The following CTNNA3 variants were observed in gnomAD, a reference collection of about 807,000 sequenced individuals.
The protein encoded by CTNNA3 is catenin alpha 3.
A neutral mutation model predicts 95.7 loss-of-function variants in CTNNA3; 76 were observed. The ratio of observed to expected loss-of-function variants is 0.79; its 90% CI spans 0.66 to 0.96. The LOEUF is 0.96. Ranked by LOEUF, CTNNA3 falls within the 40% of genes least tolerant of loss-of-function variation. The pLI, the probability that CTNNA3 is intolerant of heterozygous loss-of-function variation, is 0.00. For missense variants in CTNNA3, 1,191 were observed against 1,089.8 expected (o/e 1.09, Z -1.31); for synonymous variants, 431 against 374.4 (o/e 1.15, Z -1.74).
At chr10:66,809,654 C>T (rs1841796480) in intron 7 of CTNNA3, among the ~76,000 whole-genome samples, 1 of 152,168 alleles carries the variant, frequency 6.6e-6, no homozygotes, top group African/African-American at 2.4e-5. Flanking sequence ...TGATAGAAAG[C>T]ATCCTTGATT....
intron 5 of CTNNA3, among the ~76,000 whole-genome samples, chr10:67,467,465 C>CT (rs112272043): frequency 0.017 from 2,600 of 148,886 alleles, 77 homozygotes; most frequent in African/African-American, 0.058. Flanking sequence ...TCAAATATTG[C>CT]TTTTTTTAAA....
intron 6 of CTNNA3, among the ~76,000 whole-genome samples, chr10:67,197,089 T>C (rs751334921): frequency 1.3e-5 from 2 of 152,244 alleles, no homozygotes; most frequent in East Asian, 1.9e-4. Flanking sequence ...TTTTTAAGTA[T>C]ATTAAATCTT....
intron 3 of CTNNA3, among the ~76,000 whole-genome samples, 190 bp from the exon 4 acceptor site, chr10:67,539,859 G>A (rs1840615453): frequency 6.6e-6 from 1 of 151,892 alleles, no homozygotes; most frequent in Non-Finnish European, 1.5e-5. Flanking sequence ...AAATATTTTG[G>A]AATTAAGAAG....
intron 7 of CTNNA3, among the ~76,000 whole-genome samples, chr10:66,877,822 A>AT (rs2132458356): frequency 6.6e-6 from 1 of 152,220 alleles, no homozygotes; most frequent in South Asian, 2.1e-4. Context: ...AATGGATTCT[A>AT]TTTTTGTACC....
chr10:67,749,643 T>G (rs1841393936), intron 1 of CTNNA3, among the ~76,000 whole-genome samples: 2 of 152,308 alleles, frequency 1.3e-5, no homozygotes, highest in East Asian at 3.9e-4. Flanking sequence ...TACCAGAATT[T>G]CTGGGATGCA....
chr10:67,339,880 TATG>T (rs1842119102), intron 5 of CTNNA3, among the ~76,000 whole-genome samples: 1 of 152,192 alleles, frequency 6.6e-6, no homozygotes, highest in African/African-American at 2.4e-5. Flanking sequence ...TCAGTTGGAA[TATG>T]ATGTTTATTC....
chr10:67,048,664 C>T (rs938923482), intron 7 of CTNNA3, among the ~76,000 whole-genome samples: 6 of 152,046 alleles, frequency 3.9e-5, no homozygotes, highest in Admixed American at 2.0e-4. Flanking sequence ...AACCCTATGA[C>T]GCACTACATA....
intron 6 of CTNNA3, among the ~76,000 whole-genome samples, chr10:67,188,070 C>CG (rs1862943437): frequency 6.6e-6 from 1 of 152,188 alleles, no homozygotes; most frequent in Non-Finnish European, 1.5e-5. Flanking sequence ...GAACTTAACA[C>CG]TATTAACCAA....
chr10:66,472,777 G>T (rs1299236926), intron 11 of CTNNA3, among the ~76,000 whole-genome samples: 1 of 151,988 alleles, frequency 6.6e-6, no homozygotes, highest in Admixed American at 6.6e-5. Context: ...GCTGGTAGTA[G>T]GTTAGTAAGT....
chr10:67,145,952 T>G (rs1422868763), intron 7 of CTNNA3, among the ~76,000 whole-genome samples: 1 of 152,184 alleles, frequency 6.6e-6, no homozygotes. Flanking sequence ...AGAGAAGGTT[T>G]GCTAGGAGAA....
At chr10:66,685,176 C>T (rs865869320) in intron 9 of CTNNA3, among the ~76,000 whole-genome samples, 1,128 of 104,174 alleles carry the variant, frequency 0.011, 10 homozygotes, top group Middle Eastern at 0.029. Flanking sequence ...TATATATATA[C>T]ACATATATAT....
chr10:67,117,926 T>C lies in CTNNA3; in HGVS notation c.1047+62391A>G, dbSNP rs570541744. On this transcript the variant is annotated intron_variant, in intron 7 of 17. Transcript: ENST00000433211. Reference sequence around the variant, plus strand: ...ATGACTTCATAGATATTTATAGCAATCAAACGGGTAAATGACTGCTTTTCA... The same window carrying C: ...ATGACTTCATAGATATTTATAGCAACCAAACGGGTAAATGACTGCTTTTCA... 6.3e-4 allele frequency among the ~76,000 whole-genome samples: 96 copies of C among 152,082 alleles called. 1 individual carries two copies. Among genetic ancestry groups the C allele is most frequent in the African/African-American group, 2.2e-3 (93 of 41,528 alleles).
chr10:66,360,816 C>CCTTCCTTTCTTTCTTTCTTT (rs1491560905), intron 12 of CTNNA3, among the ~76,000 whole-genome samples: 20 of 50,266 alleles, frequency 4.0e-4, no homozygotes, highest in Non-Finnish European at 7.4e-4. Flanking sequence ...TTCCTTCCTT[C>CCTTCCTTTCTTTCTTTCTTT]CTTTCTTTCT....
intron 12 of CTNNA3, among the ~76,000 whole-genome samples, chr10:66,291,885 T>C (rs2091687916): frequency 6.6e-6 from 1 of 151,316 alleles, no homozygotes. Flanking sequence ...TATGTGTGTG[T>C]TTCTGTGTGT....
chr10:67,593,123 T>C (rs1842835219), intron 3 of CTNNA3, among the ~76,000 whole-genome samples: 1 of 152,182 alleles, frequency 6.6e-6, no homozygotes, highest in Non-Finnish European at 1.5e-5. Context: ...TCCAGTTGCA[T>C]CCATGTTGCT....
intron 7 of CTNNA3, among the ~76,000 whole-genome samples, chr10:66,889,676 G>A (rs1845187713): frequency 6.6e-6 from 1 of 152,084 alleles, no homozygotes; most frequent in Non-Finnish European, 1.5e-5. Context: ...ATTTTATGAT[G>A]CATAAGGTAT....
intron 13 of CTNNA3, among the ~76,000 whole-genome samples, chr10:66,195,991 T>C (rs1480975574): frequency 6.6e-6 from 1 of 152,186 alleles, no homozygotes; most frequent in East Asian, 1.9e-4. Flanking sequence ...CAATTGGATG[T>C]TCTTAGCAAG....
chr10:67,381,607 T>A (rs1229051958), intron 5 of CTNNA3, among the ~76,000 whole-genome samples: 1 of 147,568 alleles, frequency 6.8e-6, no homozygotes, highest in African/African-American at 2.7e-5. Flanking sequence ...CACCCTCCCC[T>A]GACCCTCTTT....
At chr10:67,432,753 G>A (rs977329490) in intron 5 of CTNNA3, among the ~76,000 whole-genome samples, 3 of 151,908 alleles carry the variant, frequency 2.0e-5, no homozygotes, top group Non-Finnish European at 4.4e-5. Flanking sequence ...GCCATATAAG[G>A]TACTATTCAC....
Sources: gnomAD v4.1 joint callset for allele counts (sites outside exome capture counted in the v4.1 genomes callset) on GRCh38, gnomAD v4.1.1 for gene constraint, MANE v1.5 for transcripts, NCBI Gene and HGNC (gene_info 2026-07-23, HGNC 2026-07-21) for gene names.